The following HRK variants were observed in gnomAD, a reference collection of about 807,000 sequenced individuals.
HRK encodes the protein harakiri, BCL2 interacting protein.
Under a neutral mutation model 5.9 loss-of-function variants are expected in HRK, and 6 were observed. That is an observed-to-expected ratio of 1.02 (90% CI 0.56 to 2.01). The LOEUF (loss-of-function observed/expected upper bound fraction) is 2.01. Ranked by LOEUF, HRK falls within the 30% of genes most tolerant of loss-of-function variation. The pLI, the probability that HRK is intolerant of heterozygous loss-of-function variation, is 0.00. For missense variants in HRK, 133 were observed against 128.3 expected (o/e 1.04, Z -0.18); for synonymous variants, 85 against 65.1 (o/e 1.31, Z -1.47).
chr12:116,881,042 C>A lies in HRK; in HGVS notation c.266G>T (p.Arg89Leu). The change falls in exon 1 of 2, where the codon CGG (arginine) becomes CTG (leucine). Residue 89 changes from arginine to leucine, a missense_variant. Arg to Leu is a moderately radical substitution (Grantham distance 102). Transcript: ENST00000257572. Reference protein sequence around the residue: ...AALAAWLLGRRNL With the variant: ...AALAAWLLGRLNL ...AGAAGCCCCGCGTTCCTACAAGTTC[C>A]GCCTGCCGAGCAGCCAGGCCGCCAG... 1 of 1,353,724 alleles carries A rather than the reference C, an allele frequency of 7.4e-7. No individual in the cohort carries two copies. Among genetic ancestry groups the A allele is most frequent in the Non-Finnish European group, 9.5e-7 (1 of 1,052,786 alleles). The allele number at this position is 1,353,724 out of a possible 1,614,324, so 83.9% of individuals were successfully genotyped here.
intron 1 of HRK, among the ~76,000 whole-genome samples, chr12:116,875,989 T>C (rs1327051349): frequency 6.6e-6 from 1 of 152,194 alleles, no homozygotes; most frequent in Non-Finnish European, 1.5e-5. Context: ...TAGTGAGGAC[T>C]ACCAAGAAAC....
intron 1 of HRK, chr12:116,869,688 A>T (rs184354561): frequency 6.6e-6 from 1 of 152,322 alleles, no homozygotes; most frequent in Admixed American, 6.5e-5. Flanking sequence ...TGAGGAAGAT[A>T]CACAGTTACC....
Position 116,858,498 on chromosome 12 carries a change from G to C in HRK, c.*3025C>G, listed in dbSNP as rs781002363. 1.3e-5 allele frequency: 2 copies of C among 150,126 alleles called. No individual in the cohort carries two copies. The highest frequency in any genetic ancestry group is 3.0e-5 in the Non-Finnish European group (2 of 67,706). 9.3% of individuals were successfully genotyped at this position (150,126 alleles called of 1,614,324 possible). On this transcript the variant is annotated 3_prime_UTR_variant, in exon 2 of 2. Transcript: ENST00000257572. Reference sequence around the variant, plus strand: ...CAAGCAGCACCATCAGAAATGAAGAGGCAAAAGTCTCTTCATCTCATTATG... The same window carrying C: ...CAAGCAGCACCATCAGAAATGAAGACGCAAAAGTCTCTTCATCTCATTATG...
chr12:116,865,649 AC>A (rs1196169790), intron 1 of HRK, among the ~76,000 whole-genome samples: 1 of 152,206 alleles, frequency 6.6e-6, no homozygotes, highest in Non-Finnish European at 1.5e-5. Flanking sequence ...AGCCCCTTCA[AC>A]CCAACCCTTA....
At position 116,861,148 on chromosome 12, in the gene HRK, G is replaced by A. The variant is rs1023934559; in HGVS notation, c.*375C>T. 6 of 152,224 alleles carry A rather than the reference G, an allele frequency of 3.9e-5. No individual in the cohort carries two copies. The highest frequency in any genetic ancestry group is 2.1e-4 in the South Asian group (1 of 4,836). 9.4% of individuals were successfully genotyped at this position (152,224 alleles called of 1,614,324 possible). On this transcript the variant is annotated 3_prime_UTR_variant, in exon 2 of 2. Coordinates refer to ENST00000257572, the MANE Select transcript of HRK (RefSeq NM_003806.4). Reference sequence around the variant, plus strand: ...CTCTTCTGGCGCCCCAGACATTACAGAATATCAAAGTTCACATCGCAAGGT... The same window carrying A: ...CTCTTCTGGCGCCCCAGACATTACAAAATATCAAAGTTCACATCGCAAGGT...
chr12:116,877,345 T>C (rs1878973234), intron 1 of HRK, among the ~76,000 whole-genome samples: 1 of 151,968 alleles, frequency 6.6e-6, no homozygotes, highest in Admixed American at 6.6e-5. Flanking sequence ...ACTGAACCAC[T>C]GGCCCGGCCT....
chr12:116,869,841 A>C (rs1228940569), intron 1 of HRK, among the ~76,000 whole-genome samples: 1 of 152,210 alleles, frequency 6.6e-6, no homozygotes, highest in Non-Finnish European at 1.5e-5. Context: ...TGGGAGGCCA[A>C]GGCAGGCATA....
chr12:116,870,713 G>C (rs1878714542), intron 1 of HRK, among the ~76,000 whole-genome samples: 1 of 152,108 alleles, frequency 6.6e-6, no homozygotes, highest in Non-Finnish European at 1.5e-5. Context: ...AAAGGTAGGA[G>C]AATCACTTGA....
At chr12:116,863,721 C>A in intron 1 of HRK, among the ~76,000 whole-genome samples, 1 of 146,718 alleles carries the variant, frequency 6.8e-6, no homozygotes, top group African/African-American at 2.5e-5. Context: ...TTTAAAGAAA[C>A]TGGGTCTCGC....
At chr12:116,877,685 G>C (rs1172083426) in intron 1 of HRK, among the ~76,000 whole-genome samples, 1 of 152,182 alleles carries the variant, frequency 6.6e-6, no homozygotes, top group African/African-American at 2.4e-5. Context: ...AGCTTTCCGT[G>C]TATGAATTCA....
intron 1 of HRK, among the ~76,000 whole-genome samples, chr12:116,861,835 C>T (rs1878378414): frequency 6.6e-6 from 1 of 152,202 alleles, no homozygotes; most frequent in African/African-American, 2.4e-5. Flanking sequence ...GGACCTTCCT[C>T]GATTCATTTC....
Position 116,861,237 on chromosome 12 carries a change from C to A in HRK, c.*286G>T, listed in dbSNP as rs1878354888. 6.6e-6 allele frequency: 1 copy of A among 152,138 alleles called. No homozygotes were observed. The highest frequency in any genetic ancestry group is 2.4e-5 in the African/African-American group (1 of 41,424). The allele number at this position is 152,138 out of a possible 1,614,324, so 9.4% of individuals were successfully genotyped here. A position where few individuals can be genotyped will look rare whatever the true frequency, so the allele number is the denominator to read the frequency against. ...CACTGATACGTAATATTCATATTTT[C>A]TTTTTTTATATATATAGAGCTGTAT... On this transcript the variant is annotated 3_prime_UTR_variant, in exon 2 of 2. Coordinates refer to ENST00000257572, the MANE Select transcript of HRK (RefSeq NM_003806.4).
Position 116,879,187 on chromosome 12 carries a change from C to T in HRK, c.*56+1789G>A, listed in dbSNP as rs1879047926. 1 of 152,320 alleles carries T rather than the reference C, an allele frequency of 6.6e-6. No homozygotes were observed. The allele number at this position is 152,320 out of a possible 1,614,324, so 9.4% of individuals were successfully genotyped here. On this transcript the variant is annotated intron_variant, in intron 1 of 1. Coordinates refer to ENST00000257572, the MANE Select transcript of HRK (RefSeq NM_003806.4). The surrounding 1 kb of genome is among the most constrained non-coding windows in gnomAD (Gnocchi z 5.6). ...CGGAAGGGGAGAGCGTTTCCAATCT[C>T]CTGGACGACAGAACCAGAGAAAGCC...
chr12:116,866,933 A>G (rs1878569787), intron 1 of HRK, among the ~76,000 whole-genome samples: 1 of 152,160 alleles, frequency 6.6e-6, no homozygotes, highest in African/African-American at 2.4e-5. Context: ...TACTATGCAC[A>G]TTCTTTGACC....
chr12:116,877,998 C>G (rs1489118997), intron 1 of HRK, among the ~76,000 whole-genome samples: 3 of 152,162 alleles, frequency 2.0e-5, no homozygotes, highest in Admixed American at 1.3e-4. Context: ...TGACTGTAAC[C>G]TCCGCCTCCC....
intron 1 of HRK, among the ~76,000 whole-genome samples, chr12:116,874,394 C>T (rs7972948): frequency 0.28 from 42,393 of 152,096 alleles, 6,371 homozygotes; most frequent in African/African-American, 0.4. Context: ...CCTGGTTCCT[C>T]TTCAAAGTGT....
chr12:116,876,247 C>CG (rs981145585), intron 1 of HRK, among the ~76,000 whole-genome samples: 3 of 152,184 alleles, frequency 2.0e-5, no homozygotes, highest in Non-Finnish European at 2.9e-5. Flanking sequence ...GGCCCCTTCC[C>CG]GGGGGGTTCC....
chr12:116,877,158 C>T (rs1328791436), intron 1 of HRK, among the ~76,000 whole-genome samples: 2 of 152,070 alleles, frequency 1.3e-5, no homozygotes, highest in Non-Finnish European at 2.9e-5. Context: ...TCAAGTGATC[C>T]TCCCACCTCA....
intron 1 of HRK, 43 bp downstream of exon 1, chr12:116,880,933 G>T: frequency 1.1e-6 from 1 of 928,984 alleles, no homozygotes; most frequent in Non-Finnish European, 1.4e-6. Context: ...CGTCTCCAGT[G>T]CCCAGCTGCC....
Sources: gnomAD v4.1 joint callset for allele counts (sites outside exome capture counted in the v4.1 genomes callset) on GRCh38, gnomAD v4.1.1 for gene constraint, Gnocchi (gnomAD v3.1) non-coding constraint, MANE v1.5 for transcripts, NCBI Gene and HGNC (gene_info 2026-07-23, HGNC 2026-07-21) for gene names.